The following GRIP1 variants were observed in gnomAD, a reference collection of about 807,000 sequenced individuals.
GRIP1 encodes glutamate receptor-interacting protein 1.
A neutral mutation model predicts 129.9 loss-of-function variants in GRIP1; 45 were observed. The ratio of observed to expected loss-of-function variants is 0.35; its 90% CI spans 0.27 to 0.44. The LOEUF is 0.44. Ranked by LOEUF, GRIP1 falls within the 20% of genes least tolerant of loss-of-function variation. The probability of loss-of-function intolerance (pLI) is 1.00; values close to 1 mark genes in which losing one functional copy is unlikely to be tolerated. For missense variants in GRIP1, 1,196 were observed against 1,396.8 expected, an observed-to-expected ratio of 0.86 and a Z score of 2.29; for synonymous variants, 530 against 520.8, an observed-to-expected ratio of 1.02 and a Z score of -0.24.
chr12:66,818,123 T>G (rs2039256818), intron 1 of GRIP1, among the ~76,000 whole-genome samples: 1 of 152,232 alleles, frequency 6.6e-6, no homozygotes, highest in Non-Finnish European at 1.5e-5. Flanking sequence ...TAATATCAGT[T>G]GTTCTTTCTT....
At chr12:66,952,991 A>C (rs1340475555) in intron 1 of GRIP1, among the ~76,000 whole-genome samples, 3 of 152,246 alleles carry the variant, frequency 2.0e-5, no homozygotes, top group Non-Finnish European at 4.4e-5. Flanking sequence ...TAGATATTTA[A>C]ATTCCAAAGT....
At chr12:66,494,903 A>G (rs1442432940) in intron 7 of GRIP1, among the ~76,000 whole-genome samples, 1 of 152,164 alleles carries the variant, frequency 6.6e-6, no homozygotes, top group Non-Finnish European at 1.5e-5. Flanking sequence ...CAAAGAAAGC[A>G]AAAAAGAGAG....
Position 66,541,886 on chromosome 12 carries a change from C to G in GRIP1, c.201G>C (p.Thr67=), listed in dbSNP as rs1039084362. 3 of 1,613,912 alleles carry G rather than the reference C, an allele frequency of 1.9e-6. No individual in the cohort carries two copies. In the Admixed American group the frequency reaches 5.0e-5, roughly 27 times the overall value. The part of the protein sequence containing the change: ...MKKEGTTLGL[T]VSGGIDKDGK... ...CATCCTTATCAATTCCTCCCGATAC[C>G]GTCAGACCCAGGGTAGTGCCTTCCT... The change falls in exon 3 of 25, where the codon ACG becomes ACC. Residue 67 remains threonine, a synonymous_variant. Transcript: ENST00000359742.
chr12:66,700,270 G>T (rs928666382), intron 1 of GRIP1, among the ~76,000 whole-genome samples: 2 of 152,110 alleles, frequency 1.3e-5, no homozygotes, highest in Admixed American at 1.3e-4. Context: ...GGAGCAACAG[G>T]TGCTTTGACA....
At chr12:66,367,494 A>C (rs952735266) in intron 23 of GRIP1, among the ~76,000 whole-genome samples, 9 of 152,038 alleles carry the variant, frequency 5.9e-5, no homozygotes, top group African/African-American at 2.2e-4. Context: ...GGGCTTAGGA[A>C]CCCTTATTTT....
chr12:66,823,896 G>A (rs2039364375), intron 1 of GRIP1, among the ~76,000 whole-genome samples: 1 of 152,128 alleles, frequency 6.6e-6, no homozygotes, highest in South Asian at 2.1e-4. Context: ...TGAACAAGAT[G>A]TAAAACAGAA....
intron 1 of GRIP1, among the ~76,000 whole-genome samples, chr12:67,016,381 A>G (rs1402863270): frequency 6.6e-6 from 1 of 152,170 alleles, no homozygotes; most frequent in Non-Finnish European, 1.5e-5. Flanking sequence ...CATGACCTTT[A>G]TTTATAAGAA....
At chr12:66,354,434 C>T (rs950229707) in intron 23 of GRIP1, among the ~76,000 whole-genome samples, 2 of 152,168 alleles carry the variant, frequency 1.3e-5, no homozygotes, top group Admixed American at 6.5e-5. Context: ...GGAAGAAAAG[C>T]CTGCCTTCCA....
chr12:66,389,374 T>C (rs2056489810), intron 19 of GRIP1, among the ~76,000 whole-genome samples: 1 of 152,094 alleles, frequency 6.6e-6, no homozygotes. Flanking sequence ...ATTACAGGTG[T>C]GTGCCACCAC....
chr12:66,498,720 AT>A (rs2060307858), intron 7 of GRIP1, among the ~76,000 whole-genome samples: 1 of 152,128 alleles, frequency 6.6e-6, no homozygotes, highest in African/African-American at 2.4e-5. Context: ...TGTATTTGAG[AT>A]TTCTTATCTT....
At chr12:66,366,482 G>A (rs1285306481) in intron 23 of GRIP1, among the ~76,000 whole-genome samples, 4 of 152,168 alleles carry the variant, frequency 2.6e-5, no homozygotes, top group Non-Finnish European at 4.4e-5. Context: ...AAGCAGCTGT[G>A]AAAAATAAAG....
chr12:66,485,079 T>C (rs529671190), intron 7 of GRIP1, among the ~76,000 whole-genome samples: 24 of 152,230 alleles, frequency 1.6e-4, no homozygotes, highest in Non-Finnish European at 2.9e-4. Flanking sequence ...GGTATGCGTA[T>C]GCTCAGCTTC....
chr12:66,871,527 T>C (rs11176469), intron 1 of GRIP1, among the ~76,000 whole-genome samples: 6,908 of 152,106 alleles, frequency 0.045, 539 homozygotes, highest in African/African-American at 0.16. Context: ...GATTATAAAA[T>C]AATACCTATG....
chr12:66,961,216 ACGGAGGAGGAG>A (rs920467958), intron 1 of GRIP1, among the ~76,000 whole-genome samples: 2 of 151,780 alleles, frequency 1.3e-5, no homozygotes, highest in African/African-American at 4.9e-5. Context: ...AAGAGCAGAG[ACGGAGGAGGAG>A]CAAACAAAAC....
rs2036555672 is a variant in GRIP1 at position 66,735,206 on chromosome 12, C to A, written c.-420+68847G>T. Among the ~76,000 whole-genome samples, 4 of 152,136 alleles carry A rather than the reference C, an allele frequency of 2.6e-5. No individual in the cohort carries two copies. In the South Asian group the frequency reaches 8.3e-4, roughly 31 times the overall value. ...TGATTGTTCTGGATTGTGTGCAAAT[C>A]TATGGAATAGTAAGTTTTATTATAA... On this transcript the variant is annotated intron_variant, in intron 1 of 4. Coordinates refer to the GRIP1 transcript ENST00000538373.
chr12:66,753,107 T>C (rs2037178661), intron 1 of GRIP1, among the ~76,000 whole-genome samples: 1 of 152,056 alleles, frequency 6.6e-6, no homozygotes, highest in Admixed American at 6.6e-5. Flanking sequence ...AAATAGAACA[T>C]TCCTCCCTTC....
chr12:66,766,633 C>T (rs1474729338), intron 1 of GRIP1, among the ~76,000 whole-genome samples: 1 of 151,986 alleles, frequency 6.6e-6, no homozygotes, highest in Non-Finnish European at 1.5e-5. Flanking sequence ...CGGAAGAGCG[C>T]TGCATGGGTG....
intron 1 of GRIP1, among the ~76,000 whole-genome samples, chr12:66,659,798 C>G (rs986354398): frequency 6.6e-6 from 1 of 152,152 alleles, no homozygotes; most frequent in Non-Finnish European, 1.5e-5. Flanking sequence ...ACTATTAACT[C>G]TTGGTGACTT....
At position 66,781,659 on chromosome 12, in the gene GRIP1, G is replaced by T. The variant is rs140187949; in HGVS notation, c.-420+22394C>A. 3.5e-4 allele frequency among the ~76,000 whole-genome samples: 54 copies of T among 152,220 alleles called. 1 individual carries two copies. The highest frequency in any genetic ancestry group is 1.2e-3 in the African/African-American group (50 of 41,550). The stretch of plus-strand genomic sequence containing the variant: ...TAATAATAATTATGCAAGAACAATA[G>T]GTATGAATTTGGTATATCCAGAGTC... On this transcript the variant is annotated intron_variant, in intron 1 of 4. Transcript: ENST00000538373.
Sources: allele counts gnomAD v4.1 joint callset (sites outside exome capture counted in the v4.1 genomes callset), GRCh38; gene constraint gnomAD v4.1.1; transcripts MANE v1.5; gene names NCBI Gene and HGNC (gene_info 2026-07-23, HGNC 2026-07-21).